The following BLTP1 variants were observed in gnomAD, a reference collection of about 807,000 sequenced individuals.
BLTP1 encodes the protein bridge-like lipid transfer protein family member 1, also known as fragile site-associated protein.
At chr4:122,267,595 G>A in the BLTP1 span, 1 of 969,972 alleles carries the variant, frequency 1.0e-6, no homozygotes, top group African/African-American at 1.8e-5. Flanking sequence ...AGGGTTCTGG[G>A]TTGACGTGTC....
At chr4:122,356,482 T>C in the BLTP1 span, 1 of 865,348 alleles carries the variant, frequency 1.2e-6, no homozygotes, top group Non-Finnish European at 1.8e-6. Flanking sequence ...CAAACTATCA[T>C]CATCCTGTAA....
chr4:122,309,870 G>T, the BLTP1 span, among the ~76,000 whole-genome samples: 1 of 152,018 alleles, frequency 6.6e-6, no homozygotes, highest in Non-Finnish European at 1.5e-5. Flanking sequence ...TAATATTGAC[G>T]TGAATAAATC....
the BLTP1 span, chr4:122,189,016 A>T: frequency 2.0e-6 from 2 of 985,012 alleles, no homozygotes; most frequent in Non-Finnish European, 2.4e-6. Flanking sequence ...CTTGGTTAAG[A>T]ATCTTCTGGA....
At chr4:122,274,255 A>T in the BLTP1 span, 17 of 802,412 alleles carry the variant, frequency 2.1e-5, no homozygotes, top group Non-Finnish European at 2.8e-5. Flanking sequence ...TTTGCTACTG[A>T]ATATATTATG....
the BLTP1 span, among the ~76,000 whole-genome samples, chr4:122,358,338 T>TA: frequency 6.6e-6 from 1 of 152,162 alleles, no homozygotes; most frequent in Admixed American, 6.5e-5. Context: ...CGTGTATTTC[T>TA]AAAAAACAAC....
chr4:122,297,838 A>G, the BLTP1 span: 1 of 152,204 alleles, frequency 6.6e-6, no homozygotes, highest in Non-Finnish European at 1.5e-5. Context: ...GTTCTCACTT[A>G]TCAGTGGGAG....
At chr4:122,234,821 A>G in the BLTP1 span, 2 of 1,613,560 alleles carry the variant, frequency 1.2e-6, no homozygotes, top group African/African-American at 1.3e-5. Flanking sequence ...AGAGGTGTAG[A>G]AACAAATGTG....
At chr4:122,340,932 C>G in the BLTP1 span, 27 of 721,424 alleles carry the variant, frequency 3.7e-5, no homozygotes, top group Non-Finnish European at 4.4e-5. Context: ...GTAGTGATAC[C>G]ATATTTTTCC....
the BLTP1 span, chr4:122,293,129 C>T: frequency 3.1e-6 from 3 of 969,468 alleles, no homozygotes; most frequent in African/African-American, 5.3e-5. Flanking sequence ...GGATATGATG[C>T]ACTTAAACTT....
chr4:122,261,384 T>C, the BLTP1 span: 1 of 985,136 alleles, frequency 1.0e-6, no homozygotes, highest in Non-Finnish European at 1.2e-6. Context: ...TAAAGTCCTC[T>C]AAAAATGTGA....
the BLTP1 span, chr4:122,351,093 G>A: frequency 6.5e-6 from 1 of 154,130 alleles, no homozygotes; most frequent in Non-Finnish European, 1.4e-5. Flanking sequence ...TATGTACATA[G>A]TTACATCATT....
chr4:122,177,481 C>T, the BLTP1 span, among the ~76,000 whole-genome samples: 2 of 152,176 alleles, frequency 1.3e-5, no homozygotes, highest in Non-Finnish European at 2.9e-5. Flanking sequence ...CAGATTTTCC[C>T]GTGGCTTCCC....
the BLTP1 span, among the ~76,000 whole-genome samples, chr4:122,173,880 T>G: frequency 6.6e-6 from 1 of 152,164 alleles, no homozygotes; most frequent in Non-Finnish European, 1.5e-5. Flanking sequence ...TTCTTGTGAG[T>G]CCACCATTCA....
the BLTP1 span, chr4:122,302,281 G>GCCTTTAAGAATT: frequency 5.1e-6 from 5 of 979,096 alleles, no homozygotes; most frequent in Non-Finnish European, 6.1e-6. Context: ...CAGTTCATTA[G>GCCTTTAAGAATT]ACATATCCTA....
the BLTP1 span, chr4:122,180,025 TACACACAC>T: frequency 2.9e-5 from 26 of 907,158 alleles, no homozygotes; most frequent in Non-Finnish European, 3.4e-5. Context: ...CACGTGCATG[TACACACAC>T]ACACACACAC....
At chr4:122,241,807 C>G in the BLTP1 span, among the ~76,000 whole-genome samples, 1 of 151,926 alleles carries the variant, frequency 6.6e-6, no homozygotes, top group Non-Finnish European at 1.5e-5. Context: ...ACTGAATGGC[C>G]CTTGTGCAGA....
the BLTP1 span, among the ~76,000 whole-genome samples, chr4:122,157,205 G>A: frequency 2.0e-5 from 3 of 152,110 alleles, no homozygotes; most frequent in South Asian, 6.2e-4. Context: ...CCAGAACTTA[G>A]GGGTTTAAAC....
chr4:122,264,424 A>G, the BLTP1 span: 1 of 1,601,686 alleles, frequency 6.2e-7, no homozygotes, highest in Non-Finnish European at 8.5e-7. Context: ...TTGCTGATGC[A>G]CAGGTGAGCC....
At chr4:122,208,718 T>A in the BLTP1 span, 2 of 907,096 alleles carry the variant, frequency 2.2e-6, no homozygotes, top group East Asian at 1.2e-4. Context: ...ATGTAAAATC[T>A]TATTCATTAT....
Sources: gnomAD v4.1 joint callset for allele counts (sites outside exome capture counted in the v4.1 genomes callset) on GRCh38, gnomAD v4.1.1 for gene constraint, MANE v1.5 for transcripts, NCBI Gene and HGNC (gene_info 2026-07-23, HGNC 2026-07-21) for gene names.